FGF14: variants seen among roughly 807,000 people sequenced by gnomAD.
FGF14 encodes the protein fibroblast growth factor 14.
A neutral mutation model predicts 25.5 loss-of-function variants in FGF14; 5 were observed. The observed-to-expected ratio is 0.20, with a 90% CI of 0.10 to 0.41. FGF14 has a LOEUF of 0.41. Ranked by LOEUF, FGF14 falls within the 10% of genes least tolerant of loss-of-function variation. The probability of loss-of-function intolerance (pLI) is 1.00; values close to 1 mark genes in which losing one functional copy is unlikely to be tolerated. For missense variants in FGF14, 222 were observed against 320.1 expected (o/e 0.69, Z 2.34); for synonymous variants, 138 against 118.3 (o/e 1.17, Z -1.08).
chr13:102,346,686 A>C (rs919076389), intron 1 of FGF14, among the ~76,000 whole-genome samples: 10 of 152,152 alleles, frequency 6.6e-5, no homozygotes, highest in Middle Eastern at 3.2e-3. Flanking sequence ...AAAAGTCTTC[A>C]AGGTTATAAA....
intron 1 of FGF14, among the ~76,000 whole-genome samples, chr13:102,118,478 G>A (rs1187067482): frequency 1.3e-5 from 2 of 151,942 alleles, no homozygotes; most frequent in African/African-American, 2.4e-5. Flanking sequence ...ATACTCAAAG[G>A]ATCTTGCGTT....
chr13:102,045,678 T>C (rs1011589250), intron 1 of FGF14, among the ~76,000 whole-genome samples: 4 of 152,212 alleles, frequency 2.6e-5, no homozygotes, highest in Non-Finnish European at 4.4e-5. Flanking sequence ...TCATATTTGA[T>C]CCCTGATACA....
At chr13:102,185,445 C>T (rs1357665304) in intron 1 of FGF14, among the ~76,000 whole-genome samples, 1 of 152,164 alleles carries the variant, frequency 6.6e-6, no homozygotes, top group Non-Finnish European at 1.5e-5. Flanking sequence ...TCCTCTATTA[C>T]TTGACTTTCA....
intron 1 of FGF14, among the ~76,000 whole-genome samples, chr13:102,038,620 T>C (rs542207788): frequency 3.3e-5 from 5 of 152,272 alleles, no homozygotes; most frequent in African/African-American, 1.2e-4. Context: ...AATTTTTTTA[T>C]TCTTATCTTA....
At chr13:101,942,300 G>T (rs1164080920) in intron 1 of FGF14, among the ~76,000 whole-genome samples, 2 of 152,100 alleles carry the variant, frequency 1.3e-5, no homozygotes, top group Non-Finnish European at 2.9e-5. Context: ...CTCAGGAAAT[G>T]CCTTCTCCTT....
chr13:101,823,728 C>T (rs981038835), intron 3 of FGF14, among the ~76,000 whole-genome samples: 3 of 150,632 alleles, frequency 2.0e-5, no homozygotes, highest in African/African-American at 7.3e-5. Context: ...TGAGCCACTG[C>T]ACCCAGCCTA....
chr13:101,800,598 C>T (rs532350160), intron 3 of FGF14, among the ~76,000 whole-genome samples: 8 of 152,154 alleles, frequency 5.3e-5, no homozygotes, highest in Non-Finnish European at 7.3e-5. Flanking sequence ...AAATAGGTAT[C>T]TACTTCAAAA....
intron 1 of FGF14, among the ~76,000 whole-genome samples, chr13:102,022,301 G>T (rs2040700834): frequency 6.6e-6 from 1 of 152,044 alleles, no homozygotes. Context: ...CTCTTTAAAT[G>T]AAAATGAGAG....
chr13:101,986,904 CTT>C (rs2038612647), intron 1 of FGF14, among the ~76,000 whole-genome samples: 1 of 150,492 alleles, frequency 6.6e-6, no homozygotes, highest in South Asian at 2.1e-4. Context: ...TTGTCTCTGT[CTT>C]TCTCTATGTA....
chr13:102,181,682 T>C (rs937483721), intron 1 of FGF14, among the ~76,000 whole-genome samples: 5 of 152,214 alleles, frequency 3.3e-5, no homozygotes, highest in African/African-American at 1.2e-4. Flanking sequence ...AGCTTCTTTA[T>C]ATTATACAGA....
intron 1 of FGF14, among the ~76,000 whole-genome samples, chr13:101,900,593 ACAT>A (rs1423036643): frequency 1.3e-5 from 2 of 152,180 alleles, no homozygotes; most frequent in African/African-American, 4.8e-5. Flanking sequence ...ATGCTGCATA[ACAT>A]CATTGATATA....
At chr13:102,120,999 C>T (rs1447099815) in intron 1 of FGF14, among the ~76,000 whole-genome samples, 1 of 152,148 alleles carries the variant, frequency 6.6e-6, no homozygotes, top group Non-Finnish European at 1.5e-5. Flanking sequence ...CCACCGCGCC[C>T]GGCCGAAAAG....
intron 1 of FGF14, among the ~76,000 whole-genome samples, chr13:102,367,061 A>G (rs1228031918): frequency 6.6e-6 from 1 of 152,224 alleles, no homozygotes; most frequent in Non-Finnish European, 1.5e-5. Context: ...GTTATCTATT[A>G]CCACATAATA....
At chr13:101,817,479 A>G (rs1259446670) in intron 3 of FGF14, among the ~76,000 whole-genome samples, 1 of 152,218 alleles carries the variant, frequency 6.6e-6, no homozygotes, top group Non-Finnish European at 1.5e-5. Flanking sequence ...AGCAAAGCAC[A>G]GTCAAATTGC....
At chr13:101,907,206 G>A (rs954222221) in intron 1 of FGF14, among the ~76,000 whole-genome samples, 5 of 152,020 alleles carry the variant, frequency 3.3e-5, no homozygotes, top group African/African-American at 4.8e-5. Context: ...GTGATGAAAG[G>A]AATATTCTTC....
intron 1 of FGF14, among the ~76,000 whole-genome samples, chr13:102,136,085 A>AC (rs1372739543): frequency 4.6e-5 from 7 of 152,178 alleles, no homozygotes; most frequent in Admixed American, 4.6e-4. Flanking sequence ...TCATATTGTG[A>AC]CCCAGAACTC....
chr13:102,270,551 T>A lies in FGF14; in HGVS notation c.208+130920A>T, dbSNP rs551015857. On this transcript the variant is annotated intron_variant, in intron 1 of 4. Coordinates refer to the FGF14 transcript ENST00000376131. ...CCAAATATATAAAAGCTTTTAAGGA[T>A]CTTTACACATATTGTCAACCTGCTT... Among the ~76,000 whole-genome samples, 4 of 152,268 alleles carry A rather than the reference T, an allele frequency of 2.6e-5. No individual in the cohort carries two copies. In the South Asian group the frequency reaches 8.3e-4, roughly 32 times the overall value.
At chr13:102,322,512 A>T (rs1358470430) in intron 1 of FGF14, among the ~76,000 whole-genome samples, 1 of 152,146 alleles carries the variant, frequency 6.6e-6, no homozygotes, top group South Asian at 2.1e-4. Flanking sequence ...CCGACTACTG[A>T]TTGGACTCCT....
intron 1 of FGF14, among the ~76,000 whole-genome samples, chr13:102,137,413 G>A (rs866290906): frequency 6.6e-6 from 1 of 152,218 alleles, no homozygotes; most frequent in Non-Finnish European, 1.5e-5. Context: ...TGTCCAGGCT[G>A]TAGATTATTC....
Sources: gnomAD v4.1 joint callset for allele counts (sites outside exome capture counted in the v4.1 genomes callset) on GRCh38, gnomAD v4.1.1 for gene constraint, MANE v1.5 for transcripts, NCBI Gene and HGNC (gene_info 2026-07-23, HGNC 2026-07-21) for gene names.